The following SHANK1 variants were observed in gnomAD, a reference collection of about 807,000 sequenced individuals.
The protein encoded by SHANK1 is SH3 and multiple ankyrin repeat domains 1.
A neutral mutation model predicts 165.6 loss-of-function variants in SHANK1; 35 were observed. The observed-to-expected ratio is 0.21, with a 90% CI of 0.16 to 0.28. The LOEUF is 0.28. Among genes scored for constraint, SHANK1 ranks in the 10% least tolerant of loss-of-function variants. SHANK1 has a pLI of 1.00. For synonymous variants in SHANK1, 1,428 were observed against 1,384.8 expected, an observed-to-expected ratio of 1.03 and a Z score of -0.69; for missense variants, 2,681 against 3,036.4, an observed-to-expected ratio of 0.88 and a Z score of 2.75.
rs932135615 is a variant in SHANK1, at chr19:50,716,027, A to C, written c.459+248T>G. On this transcript the variant is annotated intron_variant, in intron 3 of 23. Transcript: ENST00000293441. This position sits in a 1 kb window ranked among gnomAD's most constrained non-coding sequence, Gnocchi z 8.4. ...TACTGTAATTGGGAATCCTCCCCCA[A>C]TTTGATGGGTGAGGAGAAGCTTGGG... 2.0e-5 allele frequency among the ~76,000 whole-genome samples: 3 copies of C among 152,180 alleles called. No homozygotes were observed. The highest frequency in any genetic ancestry group is 7.2e-5 in the African/African-American group (3 of 41,436).
Position 50,667,229 on chromosome 19 carries a change from G to A in SHANK1, c.4731C>T (p.Phe1577=), listed in dbSNP as rs766577644. The change falls in exon 23 of 24, where the codon TTC becomes TTT. Residue 1577 remains phenylalanine, a synonymous_variant. Coordinates refer to ENST00000293441, the MANE Select transcript of SHANK1 (RefSeq NM_016148.5). The surrounding 1 kb of genome is among the most constrained non-coding windows in gnomAD (Gnocchi z 5.7). ...GCGTGAGGGGCGACTCTGGCTTTTC[G>A]AAGCTGTTGGAGAATTCCAGAGGCG... is the stretch of plus-strand genomic sequence containing the variant. The part of the protein sequence containing the change: ...LPPPLEFSNS[F]EKPESPLTPG... 5.9e-5 allele frequency: 94 copies of A among 1,587,130 alleles called. No individual in the cohort carries two copies. The highest frequency in any genetic ancestry group is 7.7e-5 in the Non-Finnish European group (90 of 1,174,476).
chr19:50,714,638 G>A (rs1475686594), intron 4 of SHANK1, among the ~76,000 whole-genome samples: 2 of 148,196 alleles, frequency 1.3e-5, no homozygotes, highest in Non-Finnish European at 3.0e-5. Flanking sequence ...TGAGGCTGCA[G>A]TGAGCCATGA....
chr19:50,709,188 G>C (rs1320724859), intron 8 of SHANK1, among the ~76,000 whole-genome samples: 1 of 152,162 alleles, frequency 6.6e-6, no homozygotes, highest in Non-Finnish European at 1.5e-5. Flanking sequence ...ACCCAGGCTG[G>C]AGTGCAGTGG....
At chr19:50,708,574 T>C (rs1432938690) in intron 8 of SHANK1, among the ~76,000 whole-genome samples, 1 of 146,848 alleles carries the variant, frequency 6.8e-6, no homozygotes, top group Non-Finnish European at 1.5e-5. Flanking sequence ...GTGCACATAG[T>C]AGGTGCTCAA....
chr19:50,692,456 G>GATATATATATATATATAT lies in SHANK1; in HGVS notation c.1965-3178_1965-3177insATATATATATATATATAT, dbSNP rs142402078. ...TCAAAGCCAAGATTTGAATTCACCA[G>GATATATATATATATATAT]ATATATATATATATATACACACACA... is the stretch of plus-strand genomic sequence containing the variant. On this transcript the variant is annotated intron_variant, in intron 15 of 23. Coordinates refer to ENST00000293441, the MANE Select transcript of SHANK1 (RefSeq NM_016148.5). Among the ~76,000 whole-genome samples the GATATATATATATATATAT allele has an allele frequency of 1.4e-3, 186 of 128,748 alleles. 1 individual carries two copies. The highest frequency in any genetic ancestry group is 3.1e-3 in the African/African-American group (97 of 31,430). 84.5% of individuals were successfully genotyped at this position (128,748 alleles called of 152,430 possible).
intron 8 of SHANK1, among the ~76,000 whole-genome samples, chr19:50,706,719 A>G (rs1055288188): frequency 1.3e-5 from 2 of 148,864 alleles, no homozygotes; most frequent in Non-Finnish European, 3.0e-5. Flanking sequence ...TTCTCTGGCC[A>G]TCCTGTCTAA....
At chr19:50,694,553 G>A (rs1159492741) in intron 15 of SHANK1, among the ~76,000 whole-genome samples, 2 of 128,672 alleles carry the variant, frequency 1.6e-5, no homozygotes, top group African/African-American at 3.0e-5. Context: ...GAGGGGGGTC[G>A]GTTTAGGGGG....
At chr19:50,663,080 G>A (rs1244928555) in intron 23 of SHANK1, 1 of 245,040 alleles carries the variant, frequency 4.1e-6, no homozygotes, top group Admixed American at 5.1e-5. Flanking sequence ...TCAGCACAGA[G>A]AGGTTAAATA....
Position 50,697,510 on chromosome 19 carries a change from T to A in SHANK1, c.1937+79A>T. The A allele has an allele frequency of 9.2e-7, 1 of 1,089,900 alleles. No homozygotes were observed. The highest frequency in any genetic ancestry group is 1.2e-5 in the South Asian group (1 of 80,370). 67.5% of individuals were successfully genotyped at this position (1,089,900 alleles called of 1,614,324 possible). On this transcript the variant is annotated intron_variant, in intron 14 of 23. Transcript: ENST00000293441. The surrounding 1 kb of genome is among the most constrained non-coding windows in gnomAD (Gnocchi z 4.7). ...ACAGATTAGAAAGGGGGCTTAGAGGTGATGGAAATATTTAAAGGTGTACAT... is the reference window on the plus strand; with the variant it reads ...ACAGATTAGAAAGGGGGCTTAGAGGAGATGGAAATATTTAAAGGTGTACAT...
chr19:50,676,109 G>A (rs1410686689), intron 21 of SHANK1, among the ~76,000 whole-genome samples: 1 of 151,822 alleles, frequency 6.6e-6, no homozygotes, highest in African/African-American at 2.4e-5. Flanking sequence ...ACTAGCCTGG[G>A]CAACATAGCA....
Position 50,716,775 on chromosome 19 carries a change from C to G in SHANK1, c.145G>C (p.Gly49Arg), listed in dbSNP as rs752720674. The stretch of plus-strand genomic sequence containing the variant: ...AGGCCTCTAACAGAGGCCAGGCTAC[C>G]AGGTGCCCCACTGCCCTGGCCCCGG... ...GTRGQGSGAPGSLASVRGLQG... is the reference protein window; with the variant it reads ...GTRGQGSGAPRSLASVRGLQG... The change falls in exon 2 of 24, where the codon GGT (glycine) becomes CGT (arginine). Residue 49 changes from glycine to arginine, a missense_variant. This residue lies in a region of SHANK1 where 118 missense variants were observed against 106.9 expected (regional missense o/e 1.10). Transcript: ENST00000293441. The surrounding 1 kb of genome is among the most constrained non-coding windows in gnomAD (Gnocchi z 8.4). The G allele has an allele frequency of 9.3e-6, 15 of 1,607,580 alleles. No homozygotes were observed. Among genetic ancestry groups the G allele is most frequent in the Admixed American group, 3.4e-5 (2 of 58,458 alleles).
At chr19:50,691,327 C>T (rs1410355775) in intron 15 of SHANK1, among the ~76,000 whole-genome samples, 1 of 152,162 alleles carries the variant, frequency 6.6e-6, no homozygotes, top group Non-Finnish European at 1.5e-5. Context: ...TCTTACTCCT[C>T]CTCCTGTATC....
Position 50,697,010 on chromosome 19 carries a change from T to C in SHANK1, c.1964+86A>G. ...TTCACACACCAAGAAACCTCAGCTC[T>C]GGTCGTGCACACACGTTCACACGCC... On this transcript the variant is annotated intron_variant, in intron 15 of 23. Transcript: ENST00000293441. This position sits in a 1 kb window ranked among gnomAD's most constrained non-coding sequence, Gnocchi z 4.7. The C allele has an allele frequency of 9.1e-7, 1 of 1,104,846 alleles. No homozygotes were observed. Among genetic ancestry groups the C allele is most frequent in the Non-Finnish European group, 1.4e-6 (1 of 718,010 alleles). 68.4% of individuals were successfully genotyped at this position (1,104,846 alleles called of 1,614,324 possible). A position where few individuals can be genotyped will look rare whatever the true frequency, so the allele number is the denominator to read the frequency against.
Position 50,666,594 on chromosome 19 carries a change from A to G in SHANK1, c.5366T>C (p.Val1789Ala). ...CAGCCCATCGGTTCCAGCCCCTGTCACCGAGACGGTGGGGCTGGTGGGGGT... is the reference window on the plus strand; with the variant it reads ...CAGCCCATCGGTTCCAGCCCCTGTCGCCGAGACGGTGGGGCTGGTGGGGGT... ...PVTPTSPTVS[V>A]TGAGTDGLLA... is the part of the protein sequence containing the mutation. The change falls in exon 23 of 24, where the codon GTG becomes GCG. Residue 1789 changes from valine (V) to alanine (A), a missense_variant. Coordinates refer to ENST00000293441, the MANE Select transcript of SHANK1 (RefSeq NM_016148.5). 6.2e-7 allele frequency: 1 copy of G among 1,601,134 alleles called. No homozygotes were observed. The highest frequency in any genetic ancestry group is 8.5e-7 in the Non-Finnish European group (1 of 1,175,808).
At chr19:50,681,152 C>T (rs1333167536) in intron 21 of SHANK1, among the ~76,000 whole-genome samples, 1 of 151,474 alleles carries the variant, frequency 6.6e-6, no homozygotes, top group Non-Finnish European at 1.5e-5. Flanking sequence ...AGAGAGGCCA[C>T]CAAGATGCAG....
In SHANK1 at chr19:50,668,103, T is replaced by C. The variant is rs1048986169; in HGVS notation, c.3857A>G (p.Lys1286Arg). The stretch of plus-strand genomic sequence containing the variant: ...GGAGAACATGCCCTCGTCGATGGAT[T>C]TGGAGTGGCGCAGCCGCGGGCCCGG... ...AAPGPRLRHSKSIDEGMFSAE... is the reference protein window; with the variant it reads ...AAPGPRLRHSRSIDEGMFSAE... Residue 1286 changes from lysine (K) to arginine (R), a missense_variant, in exon 23 of 24, where the codon AAA (lysine) becomes AGA (arginine). By Grantham distance (26) the Lys-to-Arg change is conservative (BLOSUM62 2). This residue lies in a region of SHANK1 where 1,713 missense variants were observed against 1,630.2 expected (regional missense o/e 1.05). Coordinates refer to ENST00000293441, the MANE Select transcript of SHANK1 (RefSeq NM_016148.5). 1.4e-6 allele frequency: 2 copies of C among 1,479,660 alleles called. No homozygotes were observed. The highest frequency in any genetic ancestry group is 1.8e-6 in the Non-Finnish European group (2 of 1,120,780). 91.7% of individuals were successfully genotyped at this position (1,479,660 alleles called of 1,614,324 possible).
intron 21 of SHANK1, among the ~76,000 whole-genome samples, chr19:50,672,555 C>CA (rs3987747): frequency 0.066 from 2,312 of 35,194 alleles, 261 homozygotes; most frequent in African/African-American, 0.083. Flanking sequence ...GACTCTGTCT[C>CA]AAAAAAAAAA....
At position 50,668,198 on chromosome 19, in the gene SHANK1, G is replaced by C; in HGVS notation, c.3762C>G (p.Ser1254=). The C allele has an allele frequency of 6.7e-7, 1 of 1,496,422 alleles. No homozygotes were observed. The highest frequency in any genetic ancestry group is 8.8e-7 in the Non-Finnish European group (1 of 1,135,488). 92.7% of individuals were successfully genotyped at this position (1,496,422 alleles called of 1,614,324 possible). Residue 1254 remains serine (S), a synonymous_variant, in exon 23 of 24, where the codon TCC becomes TCG. Transcript: ENST00000293441. The part of the protein sequence containing the change: ...GGWQNEARRR[S]TLFLSTDAGD... Reference sequence around the variant, plus strand: ...CCGCGTCGGTGGACAGGAACAGCGTGGAGCGCCGGCGCGCCTCATTCTGCC... The same window carrying C: ...CCGCGTCGGTGGACAGGAACAGCGTCGAGCGCCGGCGCGCCTCATTCTGCC...
Position 50,668,279 on chromosome 19 carries a change from G to A in SHANK1, c.3681C>T (p.Asp1227=). 7.4e-7 allele frequency: 1 copy of A among 1,347,462 alleles called. No homozygotes were observed. The highest frequency in any genetic ancestry group is 2.1e-5 in the South Asian group (1 of 48,396). The allele number at this position is 1,347,462 out of a possible 1,614,324, so 83.5% of individuals were successfully genotyped here. The change falls in exon 23 of 24, where the codon GAC becomes GAT. Residue 1227 remains aspartate (D), a synonymous_variant. Coordinates refer to ENST00000293441, the MANE Select transcript of SHANK1 (RefSeq NM_016148.5). ...GGGCGGCCCCGAACTGGCTCGTGAAGTCCAGCGTGGCCGGGCCGCTGGGCG... is the reference window on the plus strand; with the variant it reads ...GGGCGGCCCCGAACTGGCTCGTGAAATCCAGCGTGGCCGGGCCGCTGGGCG... ...PASPSGPATL[D]FTSQFGAALV... is the part of the protein sequence containing the mutation.
Sources: allele counts gnomAD v4.1 joint callset (sites outside exome capture counted in the v4.1 genomes callset), GRCh38; gene constraint gnomAD v4.1.1; regional missense constraint gnomAD v4.1.1; non-coding constraint Gnocchi (gnomAD v3.1); transcripts MANE v1.5; gene names NCBI Gene and HGNC (gene_info 2026-07-23, HGNC 2026-07-21).